Variants in MVB12B observed in about 807,000 individuals in gnomAD.
MVB12B encodes multivesicular body subunit 12B, also known as ESCRT-I complex subunit MVB12B.
MVB12B carries 16 observed loss-of-function variants against 41.6 expected under a neutral mutation model. That is an observed-to-expected ratio of 0.38 (90% CI 0.26 to 0.58). MVB12B has a LOEUF of 0.58. Ranked by LOEUF, MVB12B falls within the 20% of genes least tolerant of loss-of-function variation. The probability of loss-of-function intolerance (pLI) is 0.62; values close to 1 mark genes in which losing one functional copy is unlikely to be tolerated. For synonymous variants in MVB12B, 133 were observed against 139.7 expected (o/e 0.95, Z 0.34); for missense variants, 274 against 380.2 (o/e 0.72, Z 2.32).
At chr9:126,358,058 C>A (rs187885280) in intron 2 of MVB12B, among the ~76,000 whole-genome samples, 3 of 152,058 alleles carry the variant, frequency 2.0e-5, no homozygotes, top group Admixed American at 2.0e-4. Context: ...TGTTCTAGTA[C>A]CCTTTCTTTA....
chr9:126,388,421 T>C (rs1428786672), intron 4 of MVB12B, among the ~76,000 whole-genome samples: 1 of 152,212 alleles, frequency 6.6e-6, no homozygotes, highest in East Asian at 1.9e-4. Flanking sequence ...TATACCACAT[T>C]TTGGTTATCC....
chr9:126,362,199 G>A (rs1002508776), intron 2 of MVB12B, among the ~76,000 whole-genome samples: 20 of 152,004 alleles, frequency 1.3e-4, no homozygotes, highest in African/African-American at 4.8e-4. Flanking sequence ...AGTATTTCTT[G>A]TTCAGTTCTC....
At chr9:126,341,886 A>T (rs1160681665) in intron 2 of MVB12B, among the ~76,000 whole-genome samples, 2 of 152,190 alleles carry the variant, frequency 1.3e-5, no homozygotes, top group African/African-American at 4.8e-5. Flanking sequence ...TGAGTCAGCC[A>T]GTGCTGGGTC....
chr9:126,409,299 C>CTG (rs61211126), intron 6 of MVB12B, among the ~76,000 whole-genome samples: 14,866 of 137,882 alleles, frequency 0.11, 947 homozygotes, highest in Admixed American at 0.18. Flanking sequence ...GTGAGTAACT[C>CTG]TGTGTGTGTG....
intron 6 of MVB12B, chr9:126,397,653 A>G: frequency 2.0e-6 from 2 of 985,302 alleles, no homozygotes; most frequent in Non-Finnish European, 2.4e-6. Context: ...CCTGTGCGGT[A>G]ATTTACAGGT....
intron 7 of MVB12B, among the ~76,000 whole-genome samples, chr9:126,444,332 G>A (rs989372895): frequency 4.0e-5 from 6 of 151,762 alleles, no homozygotes; most frequent in Admixed American, 1.3e-4. Context: ...GTATGAAAGA[G>A]GTTTGTTTGG....
chr9:126,375,462 C>T (rs1280702298), intron 2 of MVB12B, among the ~76,000 whole-genome samples: 1 of 124,556 alleles, frequency 8.0e-6, no homozygotes, highest in Middle Eastern at 6.8e-3. Context: ...CTATTTCTTT[C>T]GAACGAGAAA....
At chr9:126,445,478 A>T (rs530706928) in intron 7 of MVB12B, among the ~76,000 whole-genome samples, 1 of 151,966 alleles carries the variant, frequency 6.6e-6, no homozygotes, top group Non-Finnish European at 1.5e-5. Flanking sequence ...TAATTTTTGT[A>T]TTTTTAGTAG....
intron 2 of MVB12B, among the ~76,000 whole-genome samples, chr9:126,369,493 C>G (rs1440803299): frequency 6.6e-6 from 1 of 152,166 alleles, no homozygotes; most frequent in Non-Finnish European, 1.5e-5. Flanking sequence ...GCCCATGCAA[C>G]CCCCAGGCCC....
At chr9:126,502,718 A>C (rs1450515162) in intron 9 of MVB12B, among the ~76,000 whole-genome samples, 1 of 152,182 alleles carries the variant, frequency 6.6e-6, no homozygotes, top group Non-Finnish European at 1.5e-5. Context: ...CAGCGGAGCC[A>C]GCATATCAGG....
chr9:126,419,383 G>A (rs2119083159), intron 6 of MVB12B, among the ~76,000 whole-genome samples: 1 of 152,330 alleles, frequency 6.6e-6, no homozygotes, highest in African/African-American at 2.4e-5. Flanking sequence ...TGGGTTTAAT[G>A]CTCTGCTGTT....
In MVB12B at chr9:126,421,872, T is replaced by C. The variant is rs775391373; in HGVS notation, c.681T>C (p.Leu227=). 6.2e-7 allele frequency: 1 copy of C among 1,613,950 alleles called. No homozygotes were observed. Among genetic ancestry groups the C allele is most frequent in the Non-Finnish European group, 8.5e-7 (1 of 1,179,882 alleles). Reference sequence around the variant, plus strand: ...TCCTCAGGCACATCTCCCTAACACTTCCTGCCACCTTCCGAGGCAGGAACA... The same window carrying C: ...TCCTCAGGCACATCTCCCTAACACTCCCTGCCACCTTCCGAGGCAGGAACA... ...PNLPRHISLT[L]PATFRGRNST... The change falls in exon 7 of 10, where the codon CTT becomes CTC. Residue 227 remains leucine (L), a synonymous_variant. Transcript: ENST00000361171.
chr9:126,407,593 C>T (rs932710096), intron 6 of MVB12B, among the ~76,000 whole-genome samples: 11 of 152,100 alleles, frequency 7.2e-5, no homozygotes, highest in Non-Finnish European at 2.9e-5. Flanking sequence ...CAAGCAGTGC[C>T]CCCACACTGA....
chr9:126,362,130 T>C (rs2118895257), intron 2 of MVB12B, among the ~76,000 whole-genome samples: 1 of 152,290 alleles, frequency 6.6e-6, no homozygotes, highest in South Asian at 2.1e-4. Flanking sequence ...TCATTGATCT[T>C]CTTGAATTTG....
intron 7 of MVB12B, among the ~76,000 whole-genome samples, chr9:126,442,776 G>A (rs1832671474): frequency 6.6e-6 from 1 of 152,152 alleles, no homozygotes; most frequent in South Asian, 2.1e-4. Context: ...ATGGTGGCAA[G>A]GCCTACAGCC....
intron 7 of MVB12B, among the ~76,000 whole-genome samples, chr9:126,449,898 A>T (rs1321777832): frequency 1.3e-5 from 2 of 152,224 alleles, no homozygotes; most frequent in Non-Finnish European, 2.9e-5. Context: ...AGAGAGGTTA[A>T]GTGACTTTCC....
chr9:126,477,714 G>A (rs1833448051), intron 7 of MVB12B, among the ~76,000 whole-genome samples: 1 of 152,196 alleles, frequency 6.6e-6, no homozygotes, highest in Admixed American at 6.5e-5. Context: ...ACAACTCGTG[G>A]GGATTATAGG....
rs1171865111 is a variant in MVB12B, at chr9:126,379,372, TCCATGG to T, written c.205-1691_205-1686del. ...GACAAAAATCTTTCAAAACATGTAA[TCCATGG>T]GAGAAAACAAGCATAGGGGGTGCTT... On this transcript the variant is annotated intron_variant, in intron 2 of 9. Coordinates refer to ENST00000361171, the MANE Select transcript of MVB12B (RefSeq NM_033446.3). 3.6e-3 allele frequency among the ~76,000 whole-genome samples: 555 copies of T among 152,238 alleles called. 2 individuals carry two copies. Among genetic ancestry groups the T allele is most frequent in the African/African-American group, 0.013 (533 of 41,542 alleles).
intron 7 of MVB12B, among the ~76,000 whole-genome samples, chr9:126,469,200 G>A (rs1438640016): frequency 1.3e-5 from 2 of 152,112 alleles, no homozygotes; most frequent in Non-Finnish European, 2.9e-5. Context: ...ATAATATTCT[G>A]TCCTTTTTCT....
Sources: allele counts gnomAD v4.1 joint callset (sites outside exome capture counted in the v4.1 genomes callset), GRCh38; gene constraint gnomAD v4.1.1; transcripts MANE v1.5; gene names NCBI Gene and HGNC (gene_info 2026-07-23, HGNC 2026-07-21).